The following TRIP13 variants were observed in gnomAD, a reference collection of about 807,000 sequenced individuals.
The protein encoded by TRIP13 is pachytene checkpoint protein 2 homolog.
A neutral mutation model predicts 54.4 loss-of-function variants in TRIP13; 25 were observed. The ratio of observed to expected loss-of-function variants is 0.46; its 90% CI spans 0.33 to 0.64. TRIP13 has a LOEUF of 0.64. Ranked by LOEUF, TRIP13 falls within the 30% of genes least tolerant of loss-of-function variation. The pLI is 0.02. For synonymous variants in TRIP13, 207 were observed against 207.8 expected (o/e 1.00, Z 0.03); for missense variants, 373 against 534.2 (o/e 0.70, Z 2.97).
chr5:901,882 C>G (rs1753998883), intron 5 of TRIP13, among the ~76,000 whole-genome samples: 1 of 152,206 alleles, frequency 6.6e-6, no homozygotes. Context: ...CTCAGCCTCC[C>G]AAAGTGCTGG....
In TRIP13 at chr5:907,631, G is replaced by T. The variant is rs1038721050; in HGVS notation, c.673-357G>T. Among the ~76,000 whole-genome samples the T allele has an allele frequency of 3.3e-5, 5 of 152,236 alleles. No homozygotes were observed. The highest frequency in any genetic ancestry group is 1.2e-4 in the African/African-American group (5 of 41,462). The stretch of plus-strand genomic sequence containing the variant: ...GTGGGACCAGGCACGCTGGGCACAG[G>T]AGAGCCTGTGAGGAGTGCATCCCAG... On this transcript the variant is annotated intron_variant, in intron 7 of 12. Coordinates refer to ENST00000166345, the MANE Select transcript of TRIP13 (RefSeq NM_004237.4). This position sits in a 1 kb window ranked among gnomAD's most constrained non-coding sequence, Gnocchi z 4.1.
intron 4 of TRIP13, 36 bp from the exon 5 acceptor site, chr5:901,305 G>A (rs767502222): frequency 6.9e-6 from 11 of 1,599,320 alleles, no homozygotes; most frequent in Admixed American, 5.0e-5. Context: ...TGCCTTGTTG[G>A]TATCTTTGTC....
In TRIP13 at chr5:896,726, C is replaced by T; in HGVS notation, c.320C>T (p.Pro107Leu). 4 of 1,613,864 alleles carry T rather than the reference C, an allele frequency of 2.5e-6. No homozygotes were observed. Among genetic ancestry groups the T allele is most frequent in the Non-Finnish European group, 2.5e-6 (3 of 1,179,872 alleles). ...LHIFQLNEDG[P>L]SSENLEEETE... ...ATTTTCCAGCTGAATGAAGATGGCC[C>T]CAGCAGTGAAAATCTGGAGGAAGAG... The change falls in exon 3 of 13, where the codon CCC becomes CTC. Residue 107 changes from proline (P) to leucine (L), a missense_variant. Pro to Leu is a moderately conservative substitution (Grantham distance 98, BLOSUM62 -3). Around this residue, in one of 4 missense-constraint regions of TRIP13, gnomAD observed 151 missense variants for 151.9 expected, o/e 0.99. Coordinates refer to ENST00000166345, the MANE Select transcript of TRIP13 (RefSeq NM_004237.4).
intron 5 of TRIP13, 44 bp from the exon 6 acceptor site, chr5:904,104 G>T (rs1365449349): frequency 6.4e-7 from 1 of 1,558,850 alleles, no homozygotes; most frequent in East Asian, 2.3e-5. Context: ...GAAATTTGTT[G>T]TAGCACTGAC....
chr5:909,825 T>C (rs1754193057), intron 9 of TRIP13, among the ~76,000 whole-genome samples: 1 of 152,270 alleles, frequency 6.6e-6, no homozygotes, highest in Non-Finnish European at 1.5e-5. Flanking sequence ...AGCATGTCCT[T>C]AAGGCACAGA....
Position 900,487 on chromosome 5 carries a change from G to C in TRIP13, c.389-7G>C. 6.2e-7 allele frequency: 1 copy of C among 1,613,182 alleles called. No individual in the cohort carries two copies. Among genetic ancestry groups the C allele is most frequent in the Non-Finnish European group, 8.5e-7 (1 of 1,179,808 alleles). On this transcript the variant is annotated splice_polypyrimidine_tract_variant and splice_region_variant and intron_variant, in intron 3 of 12. Transcript: ENST00000166345. ...TGAAATCAGGTCTTTGTTTAATTCT[G>C]TCACAGCTGAATTCCATGGGCTTTG...
At position 896,810 on chromosome 5, in the gene TRIP13, G is replaced by C; in HGVS notation, c.388+16G>C. ...CTACCTGCAGGTATGGGGTGTGATG[G>C]GAGTTGAAGGGGAGGCTGAGGTCAG... On this transcript the variant is annotated intron_variant, in intron 3 of 12. Coordinates refer to ENST00000166345, the MANE Select transcript of TRIP13 (RefSeq NM_004237.4). The C allele has an allele frequency of 1.9e-6, 3 of 1,611,210 alleles. No individual in the cohort carries two copies. Among genetic ancestry groups the C allele is most frequent in the Non-Finnish European group, 1.7e-6 (2 of 1,178,246 alleles).
Position 907,844 on chromosome 5 carries a change from C to G in TRIP13, c.673-144C>G. 1 of 753,286 alleles carries G rather than the reference C, an allele frequency of 1.3e-6. No homozygotes were observed. Among genetic ancestry groups the G allele is most frequent in the Non-Finnish European group, 2.3e-6 (1 of 443,602 alleles). 46.7% of individuals were successfully genotyped at this position (753,286 alleles called of 1,614,324 possible). On this transcript the variant is annotated intron_variant, in intron 7 of 12. Transcript: ENST00000166345. The surrounding 1 kb of genome is among the most constrained non-coding windows in gnomAD (Gnocchi z 4.1). ...CTCCTCCCATGCTGCCCTAGCTTCT[C>G]TGATTTAGGGAGCTTTCTGAGGGGC...
At chr5:904,249 G>T in intron 6 of TRIP13, 29 bp downstream of exon 6, 1 of 1,565,918 alleles carries the variant, frequency 6.4e-7, no homozygotes, top group East Asian at 2.3e-5. Flanking sequence ...TGAGAGGAGA[G>T]CCATGGGAAT....
In TRIP13 at chr5:901,341, C is replaced by T. The variant is rs1384272039; in HGVS notation, c.445C>T (p.Leu149Phe). 6.2e-7 allele frequency: 1 copy of T among 1,613,346 alleles called. No homozygotes were observed. Among genetic ancestry groups the T allele is most frequent in the African/African-American group, 1.3e-5 (1 of 74,864 alleles). The change falls in exon 5 of 13, where the codon CTC becomes TTC. Residue 149 changes from leucine (L) to phenylalanine (F), a missense_variant and splice_region_variant. Physicochemically the swap from Leu to Phe is conservative, Grantham distance 22. This residue lies in a region of TRIP13 where 119 missense variants were observed against 223.0 expected (regional missense o/e 0.53). Coordinates refer to ENST00000166345, the MANE Select transcript of TRIP13 (RefSeq NM_004237.4). The part of the protein sequence containing the change: ...LVYDVEVKSH[L>F]LDYVMTTLLF... ...AAGCTCTTTTCTTTTTCTCTATCAG[C>T]TCCTCGATTATGTGATGACAACTTT... is the stretch of plus-strand genomic sequence containing the variant.
rs148918677 is a variant in TRIP13, at chr5:915,050, G to A, written c.1133+473G>A. ...GCAGTGTGGAGGCTGGGGAGGTGCC[G>A]GAGAGGCGGGGGGTGGAATGGACAG... On this transcript the variant is annotated intron_variant, in intron 11 of 12. Coordinates refer to ENST00000166345, the MANE Select transcript of TRIP13 (RefSeq NM_004237.4). The surrounding 1 kb of genome is among the most constrained non-coding windows in gnomAD (Gnocchi z 4.2). Among the ~76,000 whole-genome samples the A allele has an allele frequency of 4.4e-3, 677 of 152,224 alleles. 9 individuals carry two copies. The highest frequency in any genetic ancestry group is 0.016 in the African/African-American group (648 of 41,522).
Position 914,504 on chromosome 5 carries a change from C to A in TRIP13, c.1060C>A (p.Arg354=), listed in dbSNP as rs376882637. Residue 354 remains arginine, a synonymous_variant, in exon 11 of 13, where the codon CGA becomes AGA. Transcript: ENST00000166345. The part of the protein sequence containing the change: ...IYPRQQLLTL[R]ELEMIGFIEN... ...CCCTCGCCAGCAGCTGCTGACCCTC[C>A]GAGAGCTAGAGATGATTGGCTTCAT... 1.2e-6 allele frequency: 2 copies of A among 1,613,522 alleles called. No individual in the cohort carries two copies. Among genetic ancestry groups the A allele is most frequent in the African/African-American group, 2.7e-5 (2 of 75,028 alleles).
chr5:894,641 G>T (rs967995575), intron 1 of TRIP13, 146 bp from the exon 2 acceptor site: 6 of 851,974 alleles, frequency 7.0e-6, no homozygotes, highest in Admixed American at 6.6e-5. Flanking sequence ...GGTGGCTCTA[G>T]ATTTGGTCCC....
rs764739586 is a variant in TRIP13 at position 908,351 on chromosome 5, A to G, written c.760-4A>G. ...TTTTTGACCCCACTGCTCCCTCCCA[A>G]CAGGTGGAGAGTCTCACAGCCGCCC... On this transcript the variant is annotated splice_region_variant and splice_polypyrimidine_tract_variant and intron_variant, in intron 8 of 12. Coordinates refer to ENST00000166345, the MANE Select transcript of TRIP13 (RefSeq NM_004237.4). This position sits in a 1 kb window ranked among gnomAD's most constrained non-coding sequence, Gnocchi z 5.2. 5 of 1,610,458 alleles carry G rather than the reference A, an allele frequency of 3.1e-6. No homozygotes were observed. The highest frequency in any genetic ancestry group is 2.2e-5 in the South Asian group (2 of 91,078).
intron 1 of TRIP13, among the ~76,000 whole-genome samples, chr5:894,069 G>A (rs893053344): frequency 4.6e-5 from 7 of 152,126 alleles, no homozygotes; most frequent in South Asian, 2.1e-4. Flanking sequence ...GCACACAACC[G>A]CACTATGCAT....
chr5:896,379 C>G (rs1490583210), intron 2 of TRIP13, among the ~76,000 whole-genome samples: 2 of 152,124 alleles, frequency 1.3e-5, no homozygotes, highest in Non-Finnish European at 2.9e-5. Context: ...TTGGTCCCAT[C>G]TGTGTGAGTG....
Position 911,541 on chromosome 5 carries a change from A to G in TRIP13, c.867-302A>G, listed in dbSNP as rs1465885955. ...AGCCGAGATAGCACCACTGCACTCCAGCCTGGGCGAAAGAGCGAGACTCTG... is the reference window on the plus strand; with the variant it reads ...AGCCGAGATAGCACCACTGCACTCCGGCCTGGGCGAAAGAGCGAGACTCTG... On this transcript the variant is annotated intron_variant, in intron 9 of 12. Transcript: ENST00000166345. This position sits in a 1 kb window ranked among gnomAD's most constrained non-coding sequence, Gnocchi z 4.7. 6.6e-6 allele frequency among the ~76,000 whole-genome samples: 1 copy of G among 151,832 alleles called. No individual in the cohort carries two copies. Among genetic ancestry groups the G allele is most frequent in the Non-Finnish European group, 1.5e-5 (1 of 67,936 alleles).
chr5:901,500 CCTT>C, intron 5 of TRIP13, 69 bp downstream of exon 5: 1 of 1,487,514 alleles, frequency 6.7e-7, no homozygotes, highest in African/African-American at 1.4e-5. Flanking sequence ...GTACCTTCGT[CCTT>C]CTGCAAGGAG....
intron 1 of TRIP13, among the ~76,000 whole-genome samples, chr5:894,585 G>A (rs1188018986): frequency 6.6e-6 from 1 of 152,190 alleles, no homozygotes; most frequent in African/African-American, 2.4e-5. Flanking sequence ...GGGAGCTGAG[G>A]CACAGCTTCT....
Sources: allele counts gnomAD v4.1 joint callset (sites outside exome capture counted in the v4.1 genomes callset), GRCh38; gene constraint gnomAD v4.1.1; regional missense constraint gnomAD v4.1.1; non-coding constraint Gnocchi (gnomAD v3.1); transcripts MANE v1.5; gene names NCBI Gene and HGNC (gene_info 2026-07-23, HGNC 2026-07-21).